SPTB: variants seen among roughly 807,000 people sequenced by gnomAD.
SPTB encodes the protein spectrin beta, erythrocytic.
In SPTB, 45 loss-of-function variants were observed where a neutral mutation model predicts 256.2. That is an observed-to-expected ratio of 0.18 (90% CI 0.14 to 0.23). The LOEUF (loss-of-function observed/expected upper bound fraction) is 0.23, where lower values mean the gene tolerates loss of function less well. Among genes scored for constraint, SPTB ranks in the 10% least tolerant of loss-of-function variants. SPTB has a pLI of 1.00. For synonymous variants in SPTB, 1,231 were observed against 1,243.1 expected, an observed-to-expected ratio of 0.99 and a Z score of 0.21; for missense variants, 2,715 against 3,040.4, an observed-to-expected ratio of 0.89 and a Z score of 2.52.
intron 19 of SPTB, among the ~76,000 whole-genome samples, chr14:64,782,817 TAAAAA>T (rs58435859): frequency 1.6e-5 from 2 of 123,098 alleles, no homozygotes; most frequent in African/African-American, 3.1e-5. Flanking sequence ...GTTGATGAGT[TAAAAA>T]AAAAAAAAAA....
intron 9 of SPTB, among the ~76,000 whole-genome samples, chr14:64,799,529 G>A (rs988036402): frequency 6.6e-6 from 1 of 152,242 alleles, no homozygotes; most frequent in African/African-American, 2.4e-5. Flanking sequence ...GTCTTTGGTC[G>A]TGAGTCGAGG....
chr14:64,783,821 C>T (rs1017049644), intron 19 of SPTB, among the ~76,000 whole-genome samples: 3 of 152,190 alleles, frequency 2.0e-5, no homozygotes, highest in African/African-American at 7.2e-5. Flanking sequence ...TGGAAACGAC[C>T]ACTCCCCAGT....
intron 20 of SPTB, 97 bp from the exon 21 acceptor site, chr14:64,780,028 C>A (rs2082438059): frequency 4.6e-6 from 5 of 1,082,968 alleles, no homozygotes; most frequent in Admixed American, 1.7e-5. Context: ...CTTTAAGGCC[C>A]AATTTGAGCT....
rs891921232 is a variant in SPTB, at chr14:64,852,760, A to G, written c.-52+27032T>C. 2.6e-5 allele frequency among the ~76,000 whole-genome samples: 4 copies of G among 152,188 alleles called. No homozygotes were observed. The highest frequency in any genetic ancestry group is 2.6e-4 in the Admixed American group (4 of 15,276). ...GGAGGAAGTTTAGCGGGGATAAAGG[A>G]TGAGTTCAATGGGTCAGAATTTCAT... On this transcript the variant is annotated intron_variant, in intron 1 of 35. Coordinates refer to ENST00000644917, the MANE Select transcript of SPTB (RefSeq NM_001355436.2). The surrounding 1 kb of genome is among the most constrained non-coding windows in gnomAD (Gnocchi z 4.2).
At chr14:64,766,523 G>T in intron 32 of SPTB, 1 of 1,484,384 alleles carries the variant, frequency 6.7e-7, no homozygotes, top group Non-Finnish European at 8.9e-7. Flanking sequence ...GGGGAGGAGT[G>T]GAGGAGGCTA....
chr14:64,856,280 G>A (rs1477429133), intron 1 of SPTB, among the ~76,000 whole-genome samples: 1 of 152,166 alleles, frequency 6.6e-6, no homozygotes, highest in African/African-American at 2.4e-5. Context: ...TCATGTTAAA[G>A]GCCAAGAGTC....
chr14:64,794,946 C>T (rs548276620), intron 12 of SPTB, among the ~76,000 whole-genome samples: 6 of 152,334 alleles, frequency 3.9e-5, no homozygotes, highest in East Asian at 3.9e-4. Flanking sequence ...AGACCCACTG[C>T]GGCAGAGAGA....
chr14:64,805,718 T>C (rs2082970232), intron 2 of SPTB, among the ~76,000 whole-genome samples: 1 of 152,180 alleles, frequency 6.6e-6, no homozygotes, highest in African/African-American at 2.4e-5. Context: ...GTACAAACAT[T>C]GATTCTGTTC....
rs376656567 is a variant in SPTB at position 64,817,931 on chromosome 14, G to A, written c.148+5016C>T. On this transcript the variant is annotated intron_variant, in intron 2 of 35. Transcript: ENST00000644917. ...CTGAAGACAGTTAAGGCTCAGAGTG[G>A]CAGCAACTATGTGCTTCAGAGTGCA... Among the ~76,000 whole-genome samples the A allele has an allele frequency of 5.9e-5, 9 of 152,358 alleles. No individual in the cohort carries two copies. The East Asian group carries it at 1.2e-3, about 20-fold the overall frequency.
intron 29 of SPTB, among the ~76,000 whole-genome samples, 159 bp downstream of exon 29, chr14:64,768,875 C>T (rs979271641): frequency 6.6e-5 from 10 of 152,176 alleles, no homozygotes; most frequent in Admixed American, 3.3e-4. Flanking sequence ...CTGCCTGGAC[C>T]GCTGAGGCCC....
chr14:64,875,074 C>A (rs1882747736), intron 1 of SPTB, among the ~76,000 whole-genome samples: 1 of 152,130 alleles, frequency 6.6e-6, no homozygotes, highest in Non-Finnish European at 1.5e-5. Context: ...CTACCCTCAG[C>A]CAGGTCTGCA....
intron 1 of SPTB, among the ~76,000 whole-genome samples, chr14:64,849,872 C>T (rs2083753083): frequency 6.6e-6 from 1 of 152,140 alleles, no homozygotes. Flanking sequence ...GAGTATTAAC[C>T]CATCTTATGC....
chr14:64,794,346 C>T, intron 13 of SPTB, 121 bp downstream of exon 13: 3 of 1,364,944 alleles, frequency 2.2e-6, no homozygotes, highest in Non-Finnish European at 3.1e-6. Flanking sequence ...TGGACCATTA[C>T]TTGATGAAAG....
At chr14:64,787,196 AC>A (rs1194807268) in intron 15 of SPTB, 36 bp from the exon 16 acceptor site, 2 of 1,599,350 alleles carry the variant, frequency 1.3e-6, no homozygotes, top group Non-Finnish European at 1.7e-6. Context: ...GGAGAGAGAC[AC>A]CTTCTCCCTT....
At chr14:64,861,389 T>A (rs2083967887) in intron 1 of SPTB, among the ~76,000 whole-genome samples, 2 of 152,198 alleles carry the variant, frequency 1.3e-5, no homozygotes, top group South Asian at 4.1e-4. Context: ...CTCATATAAG[T>A]GGGGAATGCC....
intron 1 of SPTB, among the ~76,000 whole-genome samples, chr14:64,879,155 G>C (rs1882982296): frequency 6.6e-6 from 1 of 152,184 alleles, no homozygotes; most frequent in Non-Finnish European, 1.5e-5. Flanking sequence ...CTTTGGGAGA[G>C]GAAGACTAGG....
chr14:64,878,935 C>A (rs544786636), intron 1 of SPTB, among the ~76,000 whole-genome samples: 14 of 152,316 alleles, frequency 9.2e-5, no homozygotes, highest in African/African-American at 3.4e-4. Flanking sequence ...ACCTGAAGCT[C>A]GTTGTCAGGG....
chr14:64,792,165 T>G lies in SPTB; in HGVS notation c.2667-309A>C, dbSNP rs989671491. Reference sequence around the variant, plus strand: ...GGCTGAAGAGAGGTTACTGTGTATTTGTGTGGGGGATGTCAATTGTCACAA... The same window carrying G: ...GGCTGAAGAGAGGTTACTGTGTATTGGTGTGGGGGATGTCAATTGTCACAA... On this transcript the variant is annotated intron_variant, in intron 14 of 35. Transcript: ENST00000644917. The surrounding 1 kb of genome is among the most constrained non-coding windows in gnomAD (Gnocchi z 4.2). Among the ~76,000 whole-genome samples, 31 of 152,168 alleles carry G rather than the reference T, an allele frequency of 2.0e-4. No individual in the cohort carries two copies. Among genetic ancestry groups the G allele is most frequent in the Admixed American group, 2.0e-3 (30 of 15,286 alleles).
intron 33 of SPTB, 146 bp from the exon 34 acceptor site, chr14:64,750,300 G>A (rs1363621759): frequency 2.4e-6 from 2 of 834,616 alleles, no homozygotes; most frequent in Non-Finnish European, 3.6e-6. Context: ...TCATCTGCAT[G>A]TAATTTCATT....
Sources: allele counts gnomAD v4.1 joint callset (sites outside exome capture counted in the v4.1 genomes callset), GRCh38; gene constraint gnomAD v4.1.1; non-coding constraint Gnocchi (gnomAD v3.1); transcripts MANE v1.5; gene names NCBI Gene and HGNC (gene_info 2026-07-23, HGNC 2026-07-21).